The following MYO3A variants were observed in gnomAD, a reference collection of about 807,000 sequenced individuals.
MYO3A encodes the protein myosin IIIA.
MYO3A carries 180 observed loss-of-function variants against 192.7 expected under a neutral mutation model. The observed-to-expected ratio is 0.93, with a 90% CI of 0.83 to 1.06. MYO3A has a LOEUF of 1.06. Among genes scored for constraint, MYO3A ranks in the 50% least tolerant of loss-of-function variants. The pLI is 0.00. For missense variants in MYO3A, 1,896 were observed against 1,905.0 expected (o/e 1.00, Z 0.09); for synonymous variants, 628 against 645.3 (o/e 0.97, Z 0.41).
At position 26,174,203 on chromosome 10, in the gene MYO3A, T is replaced by G; in HGVS notation, c.3939T>G (p.Arg1313=). 1 of 1,614,138 alleles carries G rather than the reference T, an allele frequency of 6.2e-7. No homozygotes were observed. Among genetic ancestry groups the G allele is most frequent in the Non-Finnish European group, 8.5e-7 (1 of 1,180,020 alleles). The change falls in exon 30 of 35, where the codon CGT becomes CGG. Residue 1313 remains arginine, a synonymous_variant. Coordinates refer to ENST00000642920, the MANE Select transcript of MYO3A (RefSeq NM_017433.5). ...AGAAGACATCTGTAGTTACCCAGCG[T>G]GCACCGATATGCAGCCAGGAGGAAG... ...KEKKTSVVTQ[R]APICSQEEGR... is the part of the protein sequence containing the mutation.
At chr10:26,071,383 AC>A (rs1835197769) in intron 14 of MYO3A, among the ~76,000 whole-genome samples, 2 of 152,204 alleles carry the variant, frequency 1.3e-5, no homozygotes, top group Admixed American at 6.5e-5. Flanking sequence ...CAAATTTTTA[AC>A]TCAAAGTGGA....
intron 10 of MYO3A, among the ~76,000 whole-genome samples, chr10:26,043,169 C>CTCTCTCTT (rs1254385828): frequency 6.6e-6 from 1 of 151,852 alleles, no homozygotes. Context: ...CTCTCTCTCT[C>CTCTCTCTT]TCTCTCTCTC....
Position 26,189,872 on chromosome 10 carries a change from G to A in MYO3A, c.4439-3333G>A, listed in dbSNP as rs1212254723. Reference sequence around the variant, plus strand: ...GAGGTCAAGAGTTCGAGACCAGGCTGGCTAACATGCTGAAACCCCATCTCT... The same window carrying A: ...GAGGTCAAGAGTTCGAGACCAGGCTAGCTAACATGCTGAAACCCCATCTCT... On this transcript the variant is annotated intron_variant, in intron 31 of 34. Transcript: ENST00000642920. 2.0e-5 allele frequency among the ~76,000 whole-genome samples: 3 copies of A among 152,196 alleles called. No homozygotes were observed. The East Asian group carries it at 5.8e-4, about 29-fold the overall frequency.
At chr10:26,174,880 T>TA (rs35087824) in intron 30 of MYO3A, among the ~76,000 whole-genome samples, 60,077 of 149,614 alleles carry the variant, frequency 0.4, 12,115 homozygotes, top group Middle Eastern at 0.5. Flanking sequence ...TAATTAGAGC[T>TA]AAAAAAAAAA....
intron 34 of MYO3A, among the ~76,000 whole-genome samples, 157 bp downstream of exon 34, chr10:26,203,264 A>T (rs921707936): frequency 6.6e-6 from 1 of 152,208 alleles, no homozygotes; most frequent in African/African-American, 2.4e-5. Context: ...TGTCATGTAC[A>T]GTGTTATGGT....
At chr10:25,999,817 G>C (rs1250237586) in intron 6 of MYO3A, among the ~76,000 whole-genome samples, 1 of 152,092 alleles carries the variant, frequency 6.6e-6, no homozygotes, top group Non-Finnish European at 1.5e-5. Context: ...TCTACTCATT[G>C]CTCAAAACGA....
intron 27 of MYO3A, 29 bp downstream of exon 27, chr10:26,166,207 A>G (rs749965631): frequency 2.7e-6 from 4 of 1,503,590 alleles, no homozygotes; most frequent in Non-Finnish European, 3.7e-6. Context: ...TTTCAGGAAA[A>G]TAAATAATTA....
chr10:25,982,143 C>A (rs1302108798), intron 4 of MYO3A, among the ~76,000 whole-genome samples: 1 of 152,090 alleles, frequency 6.6e-6, no homozygotes, highest in Non-Finnish European at 1.5e-5. Context: ...TTGCTGGTGA[C>A]CTGTGTGACT....
At chr10:26,094,856 G>T (rs77900736) in intron 15 of MYO3A, among the ~76,000 whole-genome samples, 2,638 of 152,276 alleles carry the variant, frequency 0.017, 85 homozygotes, top group African/African-American at 0.058. Context: ...AATAATTTGC[G>T]TGTAATTATG....
intron 20 of MYO3A, among the ~76,000 whole-genome samples, chr10:26,137,622 G>A (rs1047503365): frequency 5.9e-5 from 9 of 152,104 alleles, no homozygotes; most frequent in Admixed American, 5.2e-4. Context: ...CTGCAGGGTC[G>A]GGCAAAAAGA....
At chr10:26,107,942 C>T (rs990464668) in intron 17 of MYO3A, among the ~76,000 whole-genome samples, 8 of 150,636 alleles carry the variant, frequency 5.3e-5, no homozygotes, top group Middle Eastern at 3.4e-3. Flanking sequence ...TTCTTCTGTT[C>T]TTTTTTTTTA....
chr10:25,996,777 A>AT (rs2130902309), intron 5 of MYO3A, among the ~76,000 whole-genome samples, 183 bp downstream of exon 5: 1 of 152,290 alleles, frequency 6.6e-6, no homozygotes, highest in Non-Finnish European at 1.5e-5. Flanking sequence ...ATTTACTTTC[A>AT]TTGGACCAAC....
At chr10:25,972,442 C>T (rs1191174735) in intron 4 of MYO3A, among the ~76,000 whole-genome samples, 1 of 152,110 alleles carries the variant, frequency 6.6e-6, no homozygotes, top group East Asian at 1.9e-4. Flanking sequence ...TGGGCCCGCT[C>T]ACAAGCCCTT....
chr10:26,104,866 T>TACAC (rs60219721), intron 17 of MYO3A, among the ~76,000 whole-genome samples: 22,034 of 147,960 alleles, frequency 0.15, 1,735 homozygotes, highest in Middle Eastern at 0.23. Context: ...TGTTTATAGA[T>TACAC]ACACACACAC....
chr10:26,143,956 C>G (rs971301249), intron 21 of MYO3A, among the ~76,000 whole-genome samples: 1 of 152,090 alleles, frequency 6.6e-6, no homozygotes, highest in Admixed American at 6.6e-5. Context: ...AGATAGTTAA[C>G]AGGTAGGAAA....
intron 2 of MYO3A, 94 bp from the exon 3 acceptor site, chr10:25,952,000 A>C: frequency 1.1e-6 from 1 of 897,168 alleles, no homozygotes; most frequent in Non-Finnish European, 1.8e-6. Flanking sequence ...TTTCTATCAT[A>C]TCAGTGAAAA....
intron 32 of MYO3A, among the ~76,000 whole-genome samples, chr10:26,197,876 C>T (rs1843489324): frequency 6.6e-6 from 1 of 152,154 alleles, no homozygotes; most frequent in African/African-American, 2.4e-5. Context: ...TTCTTCAGTG[C>T]ATTTATAAAT....
At chr10:26,017,979 T>G (rs1230932238) in intron 7 of MYO3A, among the ~76,000 whole-genome samples, 1 of 146,660 alleles carries the variant, frequency 6.8e-6, no homozygotes, top group Non-Finnish European at 1.5e-5. Flanking sequence ...TGTTTGCATA[T>G]ATTAATATAA....
chr10:26,030,871 A>T (rs1248660024), intron 10 of MYO3A, among the ~76,000 whole-genome samples: 1 of 152,216 alleles, frequency 6.6e-6, no homozygotes, highest in Non-Finnish European at 1.5e-5. Context: ...AGAACTTTCT[A>T]TTTTAAGTCA....
Sources: gnomAD v4.1 joint callset for allele counts (sites outside exome capture counted in the v4.1 genomes callset) on GRCh38, gnomAD v4.1.1 for gene constraint, MANE v1.5 for transcripts, NCBI Gene and HGNC (gene_info 2026-07-23, HGNC 2026-07-21) for gene names.